The following CD72 variants were observed in gnomAD, a reference collection of about 807,000 sequenced individuals.
The protein encoded by CD72 is CD72 molecule.
A neutral mutation model predicts 50.7 loss-of-function variants in CD72; 28 were observed. The observed-to-expected ratio is 0.55, with a 90% confidence interval of 0.41 to 0.76. CD72 has a LOEUF of 0.76. CD72 is among the 30% of genes least tolerant of loss of function. The pLI, the probability that CD72 is intolerant of heterozygous loss-of-function variation, is 0.00. For synonymous variants in CD72, 176 were observed against 171.2 expected, an observed-to-expected ratio of 1.03 and a Z score of -0.22; for missense variants, 403 against 420.6, an observed-to-expected ratio of 0.96 and a Z score of 0.37.
intron 1 of CD72, among the ~76,000 whole-genome samples, chr9:35,632,178 T>C (rs1268979951): frequency 1.3e-5 from 2 of 151,074 alleles, no homozygotes; most frequent in African/African-American, 4.8e-5. Context: ...TTCAATTTTC[T>C]CCTCTTTTTT....
intron 1 of CD72, among the ~76,000 whole-genome samples, chr9:35,644,732 T>C (rs1823371552): frequency 6.6e-6 from 1 of 152,188 alleles, no homozygotes; most frequent in Admixed American, 6.5e-5. Flanking sequence ...CCAAATGGCA[T>C]GACAGTACAT....
chr9:35,645,820 C>T (rs933068588), intron 1 of CD72, among the ~76,000 whole-genome samples: 4 of 151,964 alleles, frequency 2.6e-5, no homozygotes, highest in Admixed American at 6.6e-5. Context: ...GATGGAGGTG[C>T]CCTGGCCGGA....
chr9:35,634,255 A>G (rs1243775663), intron 1 of CD72, among the ~76,000 whole-genome samples: 1 of 152,156 alleles, frequency 6.6e-6, no homozygotes, highest in Non-Finnish European at 1.5e-5. Context: ...CCCTGCTCTC[A>G]GATAGATACA....
At chr9:35,613,535 A>G (rs1483310531) in intron 5 of CD72, among the ~76,000 whole-genome samples, 1 of 151,878 alleles carries the variant, frequency 6.6e-6, no homozygotes, top group Non-Finnish European at 1.5e-5. Flanking sequence ...CTACATCCCA[A>G]TGTGCACTTC....
intron 1 of CD72, among the ~76,000 whole-genome samples, chr9:35,644,793 A>T (rs1017429120): frequency 1.3e-5 from 2 of 152,050 alleles, no homozygotes; most frequent in Non-Finnish European, 2.9e-5. Flanking sequence ...AAGTGAAGAC[A>T]TCAGAGGTTC....
intron 3 of CD72, 158 bp from the exon 4 acceptor site, chr9:35,616,847 G>T (rs1823071962): frequency 3.0e-6 from 3 of 994,394 alleles, no homozygotes; most frequent in Non-Finnish European, 4.5e-6. Context: ...GTCGGGTAGC[G>T]GGGTGTTTCG....
chr9:35,613,061 C>G (rs1309662896), intron 5 of CD72, 68 bp from the exon 6 acceptor site: 1 of 1,344,094 alleles, frequency 7.4e-7, no homozygotes, highest in East Asian at 2.3e-5. Flanking sequence ...CAATCTTTTG[C>G]TAACAATATT....
chr9:35,628,770 G>A (rs1823218621), intron 1 of CD72, among the ~76,000 whole-genome samples: 1 of 152,364 alleles, frequency 6.6e-6, no homozygotes, highest in South Asian at 2.1e-4. Context: ...CCTCACCCTG[G>A]GAGTGGGAGA....
intron 1 of CD72, among the ~76,000 whole-genome samples, chr9:35,639,088 C>T (rs1823316792): frequency 6.6e-6 from 1 of 150,736 alleles, no homozygotes; most frequent in East Asian, 1.9e-4. Context: ...AAAGATTTGA[C>T]ACATTATTTC....
chr9:35,624,437 T>C (rs1258032065), upstream of CD72, among the ~76,000 whole-genome samples: 1 of 151,892 alleles, frequency 6.6e-6, no homozygotes, highest in Non-Finnish European at 1.5e-5. Context: ...GAGTTAAAGA[T>C]GAAAGGATGT....
intron 1 of CD72, among the ~76,000 whole-genome samples, chr9:35,631,220 T>C (rs1289497797): frequency 6.6e-6 from 1 of 152,170 alleles, no homozygotes; most frequent in African/African-American, 2.4e-5. Flanking sequence ...TGGCTTTTTA[T>C]TTTTACTAGT....
intron 1 of CD72, among the ~76,000 whole-genome samples, chr9:35,639,348 A>T (rs1377224160): frequency 6.6e-6 from 1 of 152,232 alleles, no homozygotes; most frequent in Admixed American, 6.5e-5. Flanking sequence ...GCACATTGTT[A>T]TTTGTACGTG....
intron 1 of CD72, among the ~76,000 whole-genome samples, chr9:35,637,423 C>T (rs1000659432): frequency 5.3e-5 from 8 of 152,150 alleles, no homozygotes; most frequent in Admixed American, 3.3e-4. Flanking sequence ...TGAGGAGATC[C>T]ACCTACAACC....
At chr9:35,614,498 C>A (rs1823038789) in intron 5 of CD72, among the ~76,000 whole-genome samples, 1 of 152,128 alleles carries the variant, frequency 6.6e-6, no homozygotes, top group Admixed American at 6.5e-5. Flanking sequence ...AAGATGAGGA[C>A]ATCTGCTGAA....
At chr9:35,645,812 T>C (rs1823387143) in intron 1 of CD72, among the ~76,000 whole-genome samples, 2 of 152,050 alleles carry the variant, frequency 1.3e-5, no homozygotes, top group Non-Finnish European at 2.9e-5. Context: ...GGGCCAAAGA[T>C]GGAGGTGCCC....
intron 1 of CD72, among the ~76,000 whole-genome samples, chr9:35,636,076 G>A (rs757371038): frequency 1.3e-5 from 2 of 152,040 alleles, no homozygotes; most frequent in South Asian, 2.1e-4. Flanking sequence ...TTTCCCCTAT[G>A]CTAGGATTTC....
At chr9:35,644,350 C>CAA (rs74176726) in intron 1 of CD72, among the ~76,000 whole-genome samples, 7,574 of 68,014 alleles carry the variant, frequency 0.11, 880 homozygotes, top group East Asian at 0.41. Context: ...AACTCTGTCT[C>CAA]AAAAAAAAAA....
intron 1 of CD72, among the ~76,000 whole-genome samples, chr9:35,625,780 A>G (rs1311319649): frequency 6.6e-6 from 1 of 152,196 alleles, no homozygotes; most frequent in Non-Finnish European, 1.5e-5. Context: ...CTTAAGAATT[A>G]TGGTAAATCT....
intron 1 of CD72, among the ~76,000 whole-genome samples, chr9:35,634,055 G>A (rs1587908323): frequency 1.3e-5 from 2 of 151,988 alleles, no homozygotes; most frequent in South Asian, 4.2e-4. Context: ...ATTTCAGTCC[G>A]CTTTTATTTA....
Sources: gnomAD v4.1 joint callset for allele counts (sites outside exome capture counted in the v4.1 genomes callset) on GRCh38, gnomAD v4.1.1 for gene constraint, MANE v1.5 for transcripts, NCBI Gene and HGNC (gene_info 2026-07-23, HGNC 2026-07-21) for gene names.